MGAT4C: variants seen among roughly 807,000 people sequenced by gnomAD.
MGAT4C encodes MGAT4 family member C.
In MGAT4C, 19 loss-of-function variants were observed where a neutral mutation model predicts 40.1. The ratio of observed to expected loss-of-function variants is 0.47; its 90% CI spans 0.33 to 0.70. The LOEUF (loss-of-function observed/expected upper bound fraction) is 0.70, where lower values mean the gene tolerates loss of function less well. MGAT4C is among the 30% of genes least tolerant of loss of function. MGAT4C has a pLI of 0.02. For synonymous variants in MGAT4C, 181 were observed against 187.1 expected, an observed-to-expected ratio of 0.97 and a Z score of 0.27; for missense variants, 491 against 563.2, an observed-to-expected ratio of 0.87 and a Z score of 1.30.
At chr12:86,250,082 T>C (rs992782365) in intron 1 of MGAT4C, among the ~76,000 whole-genome samples, 2 of 152,248 alleles carry the variant, frequency 1.3e-5, no homozygotes, top group Middle Eastern at 3.4e-3. Context: ...AAATAATTTG[T>C]AGAATGAGTC....
chr12:86,617,123 C>A (rs1962477515), intron 2 of MGAT4C, among the ~76,000 whole-genome samples: 1 of 152,104 alleles, frequency 6.6e-6, no homozygotes, highest in Admixed American at 6.6e-5. Flanking sequence ...TTGGTTAGTT[C>A]GCTAAAAATT....
chr12:86,770,654 T>C (rs545504905), intron 1 of MGAT4C, among the ~76,000 whole-genome samples: 2 of 152,112 alleles, frequency 1.3e-5, no homozygotes, highest in Non-Finnish European at 1.5e-5. Context: ...TTCAGGAATA[T>C]ATGTTAAACA....
chr12:86,670,953 C>A (rs1329824722), intron 2 of MGAT4C, among the ~76,000 whole-genome samples: 1 of 152,112 alleles, frequency 6.6e-6, no homozygotes, highest in Admixed American at 6.5e-5. Flanking sequence ...TCTATTTATA[C>A]CATTCTATTT....
At chr12:86,372,971 T>C (rs923518549) in intron 3 of MGAT4C, among the ~76,000 whole-genome samples, 5 of 148,902 alleles carry the variant, frequency 3.4e-5, no homozygotes, top group African/African-American at 1.3e-4. Context: ...TAAATAAAAT[T>C]AATTATAAAT....
rs558681002 is a variant in MGAT4C, at chr12:86,731,041, T to C, written c.-261-3800A>G. On this transcript the variant is annotated intron_variant, in intron 1 of 7. Coordinates refer to the MGAT4C transcript ENST00000548651. ...GTGAGTGTCAAAGGCAGAAGTGAAGTAAGATTATCTGATTCCAGTGGCTGT... is the reference window on the plus strand; with the variant it reads ...GTGAGTGTCAAAGGCAGAAGTGAAGCAAGATTATCTGATTCCAGTGGCTGT... 1.4e-4 allele frequency among the ~76,000 whole-genome samples: 21 copies of C among 152,230 alleles called. 1 individual carries two copies. In the South Asian group the frequency reaches 4.3e-3, roughly 32 times the overall value.
Position 86,570,344 on chromosome 12 carries a change from G to A in MGAT4C, c.-228-135079C>T, listed in dbSNP as rs372713853. Among the ~76,000 whole-genome samples, 139 of 151,872 alleles carry A rather than the reference G, an allele frequency of 9.2e-4. No homozygotes were observed. The South Asian group carries it at 0.026, about 29-fold the overall frequency. ...TAAAAATAAATTTTAAAAATTTTAC[G>A]TATTTTAGACATTCAGAAAGGTATG... On this transcript the variant is annotated intron_variant, in intron 2 of 7. Coordinates refer to the MGAT4C transcript ENST00000548651.
intron 2 of MGAT4C, among the ~76,000 whole-genome samples, chr12:86,721,426 G>GA (rs374789465): frequency 2.3e-3 from 336 of 147,196 alleles, no homozygotes; most frequent in African/African-American, 7.0e-3. Flanking sequence ...TGCACCATAA[G>GA]AAAAAAAAAA....
intron 4 of MGAT4C, among the ~76,000 whole-genome samples, chr12:86,280,520 C>T (rs1953191327): frequency 6.6e-6 from 1 of 151,956 alleles, no homozygotes; most frequent in Admixed American, 6.6e-5. Flanking sequence ...TATAAAGCTT[C>T]AATAACAGAT....
intron 2 of MGAT4C, among the ~76,000 whole-genome samples, chr12:86,505,658 T>A (rs1018012459): frequency 3.4e-4 from 52 of 152,368 alleles, no homozygotes; most frequent in African/African-American, 1.2e-3. Context: ...TTAACACATT[T>A]AATAATTTTA....
chr12:86,379,436 T>C (rs1175499058), intron 3 of MGAT4C, among the ~76,000 whole-genome samples: 1 of 152,118 alleles, frequency 6.6e-6, no homozygotes, highest in Non-Finnish European at 1.5e-5. Flanking sequence ...TTGAACAGGT[T>C]TGTCTCTGAA....
At chr12:86,137,559 T>A (rs1882145251) in intron 1 of MGAT4C, among the ~76,000 whole-genome samples, 1 of 152,228 alleles carries the variant, frequency 6.6e-6, no homozygotes, top group Admixed American at 6.5e-5. Flanking sequence ...TGATTAAATC[T>A]AATAAATTCT....
At chr12:86,215,186 A>T (rs761402201) in intron 1 of MGAT4C, among the ~76,000 whole-genome samples, 4 of 152,132 alleles carry the variant, frequency 2.6e-5, no homozygotes, top group Non-Finnish European at 5.9e-5. Context: ...ATCCATAGAC[A>T]TATGGAGCCA....
intron 3 of MGAT4C, among the ~76,000 whole-genome samples, chr12:86,408,448 A>ACTCACTCT (rs1377202456): frequency 3.4e-5 from 1 of 29,362 alleles, no homozygotes; most frequent in African/African-American, 1.4e-4. Context: ...TACATAGTAA[A>ACTCACTCT]CTCTCTCTCT....
intron 3 of MGAT4C, among the ~76,000 whole-genome samples, chr12:86,336,665 A>G (rs1455230745): frequency 6.6e-6 from 1 of 152,162 alleles, no homozygotes; most frequent in Non-Finnish European, 1.5e-5. Flanking sequence ...AATTTTCAGT[A>G]GGGAAAACAC....
chr12:86,726,779 T>C (rs1362760601), intron 2 of MGAT4C, among the ~76,000 whole-genome samples: 1 of 152,164 alleles, frequency 6.6e-6, no homozygotes, highest in African/African-American at 2.4e-5. Flanking sequence ...TTGGTGATTA[T>C]AGCTAATTAT....
intron 4 of MGAT4C, among the ~76,000 whole-genome samples, chr12:86,295,038 A>G (rs923659645): frequency 2.0e-5 from 3 of 152,186 alleles, no homozygotes; most frequent in Non-Finnish European, 2.9e-5. Context: ...TCACAATTAC[A>G]TGGAGAATGG....
chr12:86,700,035 A>AATATATAGATAGATAG (rs1950327929), intron 2 of MGAT4C, among the ~76,000 whole-genome samples: 1 of 147,624 alleles, frequency 6.8e-6, no homozygotes, highest in South Asian at 2.2e-4. Context: ...AATTTAGATA[A>AATATATAGATAGATAG]ATAGATAGAT....
chr12:86,216,456 A>G (rs767213909), intron 1 of MGAT4C, among the ~76,000 whole-genome samples: 3 of 152,242 alleles, frequency 2.0e-5, no homozygotes, highest in Admixed American at 6.5e-5. Flanking sequence ...TCCATTGGCC[A>G]GTAAAACAAT....
At chr12:86,030,467 T>C (rs1429601562) in intron 2 of MGAT4C, among the ~76,000 whole-genome samples, 1 of 151,674 alleles carries the variant, frequency 6.6e-6, no homozygotes. Flanking sequence ...AATGAAAAAG[T>C]TCACTGGTAC....
Sources: gnomAD v4.1 joint callset for allele counts (sites outside exome capture counted in the v4.1 genomes callset) on GRCh38, gnomAD v4.1.1 for gene constraint, MANE v1.5 for transcripts, NCBI Gene and HGNC (gene_info 2026-07-23, HGNC 2026-07-21) for gene names.